Variants in HNRNPUL2 observed in about 807,000 individuals in gnomAD.
HNRNPUL2 encodes the protein heterogeneous nuclear ribonucleoprotein U like 2.
Under a neutral mutation model 102.2 loss-of-function variants are expected in HNRNPUL2, and 27 were observed. The ratio of observed to expected loss-of-function variants is 0.26; its 90% confidence interval spans 0.19 to 0.36. The LOEUF (loss-of-function observed/expected upper bound fraction) is 0.36, where lower values mean the gene tolerates loss of function less well. Among genes scored for constraint, HNRNPUL2 ranks in the 10% least tolerant of loss-of-function variants. The pLI, the probability that HNRNPUL2 is intolerant of heterozygous loss-of-function variation, is 1.00. For synonymous variants in HNRNPUL2, 458 were observed against 387.2 expected (o/e 1.18, Z -2.15); for missense variants, 936 against 981.1 (o/e 0.95, Z 0.61).
At chr11:62,719,904 A>G in intron 10 of HNRNPUL2, 119 bp downstream of exon 10, 1 of 913,862 alleles carries the variant, frequency 1.1e-6, no homozygotes, top group East Asian at 2.4e-5. Flanking sequence ...ACCAGATGCT[A>G]ATGCTATGCT....
chr11:62,719,068 C>T (rs566012285), intron 10 of HNRNPUL2, among the ~76,000 whole-genome samples: 2 of 152,174 alleles, frequency 1.3e-5, no homozygotes, highest in East Asian at 3.9e-4. Context: ...CCTTGTAATC[C>T]ACCCACCTCA....
At chr11:62,720,284 G>T (rs1278900109) in intron 9 of HNRNPUL2, 93 bp from the exon 10 acceptor site, 3 of 1,235,498 alleles carry the variant, frequency 2.4e-6, no homozygotes, top group Non-Finnish European at 3.5e-6. Context: ...GGTGGCTCAC[G>T]CCTGTAATCC....
chr11:62,721,539 C>T (rs1216585188), intron 8 of HNRNPUL2, 116 bp from the exon 9 acceptor site: 1 of 1,004,746 alleles, frequency 1.0e-6, no homozygotes, highest in South Asian at 1.6e-5. Flanking sequence ...TATGATATCA[C>T]TCTATTCCCA....
At chr11:62,726,450 A>G (rs998964963) in intron 1 of HNRNPUL2, among the ~76,000 whole-genome samples, 169 bp downstream of exon 1, 1 of 152,230 alleles carries the variant, frequency 6.6e-6, no homozygotes, top group Admixed American at 6.5e-5. Flanking sequence ...TAGGGCCACG[A>G]GAGGCGGCCT....
chr11:62,722,951 A>G (rs1313683636), intron 4 of HNRNPUL2, 48 bp from the exon 5 acceptor site: 1 of 1,442,166 alleles, frequency 6.9e-7, no homozygotes. Flanking sequence ...CCAACTGAGT[A>G]GCAAACTCTG....
chr11:62,727,196 C>T lies in HNRNPUL2; in HGVS notation c.-40G>A, dbSNP rs1462629130. ...CCTCCGCCTCCCGCCGCCTCCTCCC[C>T]TGCGAACCGTCGACCGAGTCCGACC... On this transcript the variant is annotated 5_prime_UTR_variant, in exon 1 of 14. Coordinates refer to ENST00000301785, the MANE Select transcript of HNRNPUL2 (RefSeq NM_001079559.3). 3.6e-6 allele frequency: 5 copies of T among 1,381,238 alleles called. No homozygotes were observed. In the African/African-American group the frequency reaches 6.1e-5, roughly 17 times the overall value. The allele number at this position is 1,381,238 out of a possible 1,614,324, so 85.6% of individuals were successfully genotyped here.
At position 62,726,746 on chromosome 11, in the gene HNRNPUL2, C is replaced by A. The variant is rs781053810; in HGVS notation, c.411G>T (p.Gly137=). 5.0e-6 allele frequency: 8 copies of A among 1,601,186 alleles called. No individual in the cohort carries two copies. The highest frequency in any genetic ancestry group is 1.7e-4 in the Middle Eastern group (1 of 6,056). Residue 137 remains glycine (G), a synonymous_variant, in exon 1 of 14, where the codon GGG becomes GGT. Transcript: ENST00000301785. ...CTTCGCCACCATTTACCCCGCCTGACCCGGCCGTGGCCTCCGCCGGCTTCT... is the reference window on the plus strand; with the variant it reads ...CTTCGCCACCATTTACCCCGCCTGAACCGGCCGTGGCCTCCGCCGGCTTCT... The part of the protein sequence containing the change: ...ASEKPAEATA[G]SGGVNGGEEQ...
chr11:62,722,536 C>G, intron 6 of HNRNPUL2, 65 bp downstream of exon 6: 2 of 1,443,338 alleles, frequency 1.4e-6, no homozygotes, highest in African/African-American at 1.4e-5. Context: ...ATGGGAAGCA[C>G]AAGTGAATTC....
rs763500934 is a variant in HNRNPUL2 at position 62,721,946 on chromosome 11, C to A, written c.1360-4G>T. 3.7e-6 allele frequency: 6 copies of A among 1,609,840 alleles called. No homozygotes were observed. The South Asian group carries it at 6.6e-5, about 18-fold the overall frequency. ...GTAGTCCCACCATCAGAATCACCTG[C>A]AAAAAACAGAACCAGAAATATAATG... On this transcript the variant is annotated splice_polypyrimidine_tract_variant and splice_region_variant and intron_variant, in intron 7 of 13. Transcript: ENST00000301785.
rs1337759705 is a variant in HNRNPUL2, at chr11:62,715,201, C to G, written c.*98G>C. The stretch of plus-strand genomic sequence containing the variant: ...ACCCCTCCCCGGCAGCTCAGCCCCA[C>G]CCCGACAGCCCCTGTTTTCCTTGGT... On this transcript the variant is annotated 3_prime_UTR_variant, in exon 14 of 14. Transcript: ENST00000301785. 4 of 653,026 alleles carry G rather than the reference C, an allele frequency of 6.1e-6. No homozygotes were observed. The highest frequency in any genetic ancestry group is 9.9e-6 in the Non-Finnish European group (4 of 404,380). The allele number at this position is 653,026 out of a possible 1,614,324, so 40.5% of individuals were successfully genotyped here. A position where few individuals can be genotyped will look rare whatever the true frequency, so the allele number is the denominator to read the frequency against.
intron 5 of HNRNPUL2, 23 bp from the exon 6 acceptor site, chr11:62,722,736 T>G (rs774221702): frequency 1.2e-6 from 2 of 1,607,548 alleles, no homozygotes; most frequent in South Asian, 2.2e-5. Flanking sequence ...ACAAATTAGT[T>G]ACCTACAACC....
chr11:62,715,309 C>T lies in HNRNPUL2; in HGVS notation c.2234G>A (p.Gly745Glu). The change falls in exon 14 of 14, where the codon GGG becomes GAG. Residue 745 changes from glycine (G) to glutamate (E), a missense_variant. Around this residue, in one of 2 missense-constraint regions of HNRNPUL2, gnomAD observed 609 missense variants for 713.0 expected, o/e 0.85. Coordinates refer to ENST00000301785, the MANE Select transcript of HNRNPUL2 (RefSeq NM_001079559.3). ...ACCATGGCAGGGGCTTCACCGATAC[C>T]CTTGGTACCCGTAGTAATTCCTGTA... ...RYYRNYYGYQ[G>E]YR 1 of 1,612,802 alleles carries T rather than the reference C, an allele frequency of 6.2e-7. No individual in the cohort carries two copies. The highest frequency in any genetic ancestry group is 8.5e-7 in the Non-Finnish European group (1 of 1,179,598).
At chr11:62,724,125 T>G (rs2083725752) in intron 2 of HNRNPUL2, 135 bp from the exon 3 acceptor site, 1 of 1,184,754 alleles carries the variant, frequency 8.4e-7, no homozygotes, top group African/African-American at 1.5e-5. Context: ...TTCCAATAAA[T>G]GAGAAAGGGC....
In HNRNPUL2 at chr11:62,727,005, GC is replaced by G; in HGVS notation, c.151del (p.Ala51ProfsTer91). On this transcript the variant is annotated frameshift_variant, in exon 1 of 14. Coordinates refer to ENST00000301785, the MANE Select transcript of HNRNPUL2 (RefSeq NM_001079559.3). LOFTEE classifies it high-confidence loss of function. ...CGCCTTGCAGGCCCCGCCGGGCCCG[GC>G]CCCGCCGCCGCCGGCCTCGTCCTCG... ...MLEDEAGGGGAGPGGACKAEP... is the reference protein window; with the variant it reads ...MLEDEAGGGGXGPGGACKAEP... The G allele has an allele frequency of 7.3e-7, 1 of 1,361,354 alleles. No homozygotes were observed. The highest frequency in any genetic ancestry group is 1.7e-5 in the South Asian group (1 of 58,600). The allele number at this position is 1,361,354 out of a possible 1,614,324, so 84.3% of individuals were successfully genotyped here.
At chr11:62,721,520 T>C in intron 8 of HNRNPUL2, 97 bp from the exon 9 acceptor site, 1 of 1,132,386 alleles carries the variant, frequency 8.8e-7, no homozygotes, top group Non-Finnish European at 1.3e-6. Context: ...CCTCTTCAAA[T>C]ACTGAATCTA....
rs1359866161 is a variant in HNRNPUL2, at chr11:62,726,792, G to A, written c.365C>T (p.Ala122Val). ...CTTCTCGGAAGCATCTGGCTCGGCCGCGGCCTCCATGGCTGCCGCCTCCGG... is the reference window on the plus strand; with the variant it reads ...CTTCTCGGAAGCATCTGGCTCGGCCACGGCCTCCATGGCTGCCGCCTCCGG... ...EPPEAAAMEA[A>V]AEPDASEKPA... The change falls in exon 1 of 14, where the codon GCG (alanine) becomes GTG (valine). Residue 122 changes from alanine (A) to valine (V), a missense_variant. By Grantham distance (64) the Ala-to-Val change is moderately conservative. This residue lies in a region of HNRNPUL2 where 327 missense variants were observed against 268.1 expected (regional missense o/e 1.22). Transcript: ENST00000301785. 1.9e-6 allele frequency: 3 copies of A among 1,599,220 alleles called. No homozygotes were observed. Among genetic ancestry groups the A allele is most frequent in the South Asian group, 2.2e-5 (2 of 90,888 alleles).
Position 62,723,738 on chromosome 11 carries a change from G to A in HNRNPUL2, c.752-12C>T, listed in dbSNP as rs199602176. The A allele has an allele frequency of 4.3e-6, 7 of 1,614,062 alleles. No homozygotes were observed. Among genetic ancestry groups the A allele is most frequent in the Non-Finnish European group, 5.1e-6 (6 of 1,179,980 alleles). On this transcript the variant is annotated splice_polypyrimidine_tract_variant and intron_variant, in intron 3 of 13. Coordinates refer to ENST00000301785, the MANE Select transcript of HNRNPUL2 (RefSeq NM_001079559.3). ...CAGATCCGAGGTATCTGTAAAGAAA[G>A]AAGCAATCAGTTTACTCCAATGTCC...
At chr11:62,718,916 C>T (rs1195017168) in intron 10 of HNRNPUL2, among the ~76,000 whole-genome samples, 8 of 151,768 alleles carry the variant, frequency 5.3e-5, no homozygotes, top group African/African-American at 1.9e-4. Flanking sequence ...AACTCTGCCA[C>T]CTAGGTTCAA....
rs370423830 is a variant in HNRNPUL2 at position 62,720,501 on chromosome 11, G to A, written c.1612-310C>T. Among the ~76,000 whole-genome samples, 13 of 145,380 alleles carry A rather than the reference G, an allele frequency of 8.9e-5. No individual in the cohort carries two copies. In the South Asian group the frequency reaches 1.3e-3, roughly 15 times the overall value. Reference sequence around the variant, plus strand: ...GGTGGTTGCAGTGGGCTGAGATCACGCCACTGTACTCCAGCCTGGGTGGCG... The same window carrying A: ...GGTGGTTGCAGTGGGCTGAGATCACACCACTGTACTCCAGCCTGGGTGGCG... On this transcript the variant is annotated intron_variant, in intron 9 of 13. Coordinates refer to ENST00000301785, the MANE Select transcript of HNRNPUL2 (RefSeq NM_001079559.3).
Sources: allele counts gnomAD v4.1 joint callset (sites outside exome capture counted in the v4.1 genomes callset), GRCh38; gene constraint gnomAD v4.1.1; regional missense constraint gnomAD v4.1.1; transcripts MANE v1.5; gene names NCBI Gene and HGNC (gene_info 2026-07-23, HGNC 2026-07-21).